The following STPG2 variants were observed in gnomAD, a reference collection of about 807,000 sequenced individuals.
The protein encoded by STPG2 is sperm tail PG-rich repeat containing 2, also known as sperm-tail PG-rich repeat-containing protein 2.
Under a neutral mutation model 54.2 loss-of-function variants are expected in STPG2, and 56 were observed. The observed-to-expected ratio is 1.03, with a 90% CI of 0.83 to 1.29. The LOEUF (loss-of-function observed/expected upper bound fraction) is 1.29. Ranked by LOEUF, STPG2 falls within the 50% of genes most tolerant of loss-of-function variation. The probability of loss-of-function intolerance (pLI) is 0.00; values close to 1 mark genes in which losing one functional copy is unlikely to be tolerated. For synonymous variants in STPG2, 200 were observed against 181.8 expected (o/e 1.10, Z -0.81); for missense variants, 596 against 544.9 (o/e 1.09, Z -0.93).
At chr4:97,742,547 G>GTATATATATATATATATATATATA (rs1199779392) in intron 9 of STPG2, among the ~76,000 whole-genome samples, 1 of 143,016 alleles carries the variant, frequency 7.0e-6, no homozygotes, top group African/African-American at 2.6e-5. Context: ...GTGTGTGTGT[G>GTATATATATATATATATATATATA]TGTGTGTGTG....
chr4:97,603,034 T>C (rs1277101234), intron 10 of STPG2, among the ~76,000 whole-genome samples: 1 of 151,668 alleles, frequency 6.6e-6, no homozygotes, highest in Non-Finnish European at 1.5e-5. Flanking sequence ...AGATGGCCTA[T>C]GAAATAGAAA....
intron 8 of STPG2, among the ~76,000 whole-genome samples, chr4:97,877,512 A>G (rs563631942): frequency 1.8e-4 from 28 of 152,308 alleles, no homozygotes; most frequent in Admixed American, 7.9e-4. Context: ...GTGAAAGGCA[A>G]AGGCATGTCT....
At chr4:97,589,049 C>T (rs1578408422) in intron 10 of STPG2, among the ~76,000 whole-genome samples, 1 of 152,078 alleles carries the variant, frequency 6.6e-6, no homozygotes, top group African/African-American at 2.4e-5. Context: ...CAGTCTGATT[C>T]CAGAGTGCCT....
At position 97,473,880 on chromosome 4, in the gene STPG2, G is replaced by A. The variant is rs571265027; in HGVS notation, c.462+238819C>T. ...TAGAAAAGAACCTACATGAAATATC[G>A]GGGGTGAATTTTGCCTGATATCTGG... On this transcript the variant is annotated intron_variant, in intron 4 of 4. Coordinates refer to the STPG2 transcript ENST00000522676. Among the ~76,000 whole-genome samples, 11 of 152,248 alleles carry A rather than the reference G, an allele frequency of 7.2e-5. No homozygotes were observed. The East Asian group carries it at 1.7e-3, about 24-fold the overall frequency.
chr4:98,053,668 T>C (rs1737398024), intron 5 of STPG2, among the ~76,000 whole-genome samples: 1 of 152,138 alleles, frequency 6.6e-6, no homozygotes. Context: ...ACCAATAATT[T>C]TATCTTTGTC....
intron 8 of STPG2, among the ~76,000 whole-genome samples, chr4:97,889,101 A>T (rs1730678382): frequency 6.6e-6 from 1 of 152,174 alleles, no homozygotes; most frequent in Non-Finnish European, 1.5e-5. Context: ...TAAATTATCC[A>T]GTGTCAGGTA....
At chr4:97,733,660 G>C (rs1025018950) in intron 9 of STPG2, among the ~76,000 whole-genome samples, 1 of 152,182 alleles carries the variant, frequency 6.6e-6, no homozygotes, top group South Asian at 2.1e-4. Flanking sequence ...GGCCCATGGT[G>C]AGAGTGTGTT....
In STPG2 at chr4:97,755,718, G is replaced by A. The variant is rs141176066; in HGVS notation, c.1205-42904C>T. Among the ~76,000 whole-genome samples, 10 of 152,206 alleles carry A rather than the reference G, an allele frequency of 6.6e-5. No individual in the cohort carries two copies. In the East Asian group the frequency reaches 9.7e-4, roughly 15 times the overall value. Reference sequence around the variant, plus strand: ...TGTATTTATTGGGCTCCCTGAATACGCTACAGACTGATCAAAAGCTCTCTC... The same window carrying A: ...TGTATTTATTGGGCTCCCTGAATACACTACAGACTGATCAAAAGCTCTCTC... On this transcript the variant is annotated intron_variant, in intron 9 of 10. Coordinates refer to ENST00000295268, the MANE Select transcript of STPG2 (RefSeq NM_174952.3).
intron 10 of STPG2, among the ~76,000 whole-genome samples, chr4:97,604,926 C>A (rs1444994857): frequency 6.6e-6 from 1 of 151,636 alleles, no homozygotes; most frequent in Non-Finnish European, 1.5e-5. Flanking sequence ...CCTTTTCCCT[C>A]GTCTTCTTAA....
At chr4:97,620,352 T>A (rs1259870251) in intron 10 of STPG2, among the ~76,000 whole-genome samples, 1 of 152,236 alleles carries the variant, frequency 6.6e-6, no homozygotes, top group East Asian at 1.9e-4. Context: ...TCTATAATTA[T>A]GTAGTGCTTT....
intron 4 of STPG2, among the ~76,000 whole-genome samples, chr4:97,540,919 G>C (rs1731683741): frequency 6.6e-6 from 1 of 151,982 alleles, no homozygotes. Context: ...GTTTTCAACA[G>C]CCATTCATGC....
chr4:97,923,110 GCTCACTCTTGGCACCTC>G (rs1190416249), intron 8 of STPG2, among the ~76,000 whole-genome samples: 2 of 152,218 alleles, frequency 1.3e-5, no homozygotes, highest in East Asian at 3.8e-4. Flanking sequence ...CGCAGCCCTC[GCTCACTCTTGGCACCTC>G]CTCGGCCTGG....
chr4:97,864,986 A>C (rs533975415), intron 8 of STPG2, among the ~76,000 whole-genome samples: 1 of 152,242 alleles, frequency 6.6e-6, no homozygotes, highest in Admixed American at 6.5e-5. Context: ...AACCATAAAA[A>C]CCCTAGAAGA....
chr4:97,929,012 T>C (rs1300636726), intron 8 of STPG2, among the ~76,000 whole-genome samples: 1 of 152,142 alleles, frequency 6.6e-6, no homozygotes, highest in Non-Finnish European at 1.5e-5. Context: ...CTGTTTATCT[T>C]TTCTACTCCT....
At chr4:97,721,753 C>G (rs1724455590) in intron 9 of STPG2, among the ~76,000 whole-genome samples, 2 of 152,056 alleles carry the variant, frequency 1.3e-5, no homozygotes, top group African/African-American at 4.8e-5. Flanking sequence ...AATACAGTTA[C>G]AAAAATTACA....
chr4:97,905,648 GAC>G (rs1446384051), intron 8 of STPG2, among the ~76,000 whole-genome samples: 2 of 152,208 alleles, frequency 1.3e-5, no homozygotes, highest in Admixed American at 1.3e-4. Context: ...TCCATTAAAA[GAC>G]ACAGACTGGC....
chr4:97,442,483 T>C (rs1270616242), intron 4 of STPG2, among the ~76,000 whole-genome samples: 1 of 152,164 alleles, frequency 6.6e-6, no homozygotes, highest in Non-Finnish European at 1.5e-5. Flanking sequence ...TTATATTTAC[T>C]GAAATGCAGA....
At position 97,745,632 on chromosome 4, in the gene STPG2, T is replaced by A. The variant is rs150211290; in HGVS notation, c.1205-32818A>T. 4.2e-3 allele frequency among the ~76,000 whole-genome samples: 638 copies of A among 151,252 alleles called. 3 individuals carry two copies. Among genetic ancestry groups the A allele is most frequent in the South Asian group, 0.024 (116 of 4,814 alleles). ...TCTAAAAAACTGTTCTCTTAATTTA[T>A]AAGAAAACATTATGTGTTCTATTAG... On this transcript the variant is annotated intron_variant, in intron 9 of 10. Transcript: ENST00000295268.
chr4:97,540,339 A>G (rs773932137), intron 4 of STPG2, among the ~76,000 whole-genome samples: 1 of 152,218 alleles, frequency 6.6e-6, no homozygotes, highest in Non-Finnish European at 1.5e-5. Context: ...AGAGAATACT[A>G]TAAACACCTC....
Sources: gnomAD v4.1 joint callset for allele counts (sites outside exome capture counted in the v4.1 genomes callset) on GRCh38, gnomAD v4.1.1 for gene constraint, MANE v1.5 for transcripts, NCBI Gene and HGNC (gene_info 2026-07-23, HGNC 2026-07-21) for gene names.